IFT43: variants seen among roughly 807,000 people sequenced by gnomAD.
The protein encoded by IFT43 is intraflagellar transport 43, also known as intraflagellar transport protein 43 homolog.
Under a neutral mutation model 32.3 loss-of-function variants are expected in IFT43, and 33 were observed. The observed-to-expected ratio is 1.02, with a 90% CI of 0.77 to 1.37. The LOEUF (loss-of-function observed/expected upper bound fraction) is 1.37, where lower values mean the gene tolerates loss of function less well. Among genes scored for constraint, IFT43 ranks in the 40% most tolerant of loss-of-function variants. IFT43 has a pLI of 0.00. For missense variants in IFT43, 274 were observed against 265.9 expected, an observed-to-expected ratio of 1.03 and a Z score of -0.21; for synonymous variants, 93 against 98.2, an observed-to-expected ratio of 0.95 and a Z score of 0.31.
intron 2 of IFT43, among the ~76,000 whole-genome samples, chr14:76,000,249 A>G (rs1037900512): frequency 4.0e-5 from 6 of 149,452 alleles, no homozygotes; most frequent in Non-Finnish European, 7.4e-5. Flanking sequence ...TACATAACAT[A>G]CATAACTGGC....
chr14:76,012,127 A>T (rs2036097181), intron 2 of IFT43, among the ~76,000 whole-genome samples: 2 of 152,174 alleles, frequency 1.3e-5, no homozygotes, highest in African/African-American at 4.8e-5. Flanking sequence ...GAATTTATGC[A>T]TGTATTTGGA....
intron 3 of IFT43, 105 bp downstream of exon 3, chr14:76,022,499 T>C: frequency 1.4e-6 from 1 of 701,838 alleles, no homozygotes; most frequent in Non-Finnish European, 2.6e-6. Context: ...TGAGAAAAAA[T>C]TTATATACCA....
chr14:76,044,495 C>A (rs1351014402), intron 3 of IFT43, among the ~76,000 whole-genome samples: 1 of 152,122 alleles, frequency 6.6e-6, no homozygotes, highest in Non-Finnish European at 1.5e-5. Flanking sequence ...ACTCTCAGAA[C>A]CTAGTCGTTT....
chr14:75,999,269 ATATGTATATATATTT>A (rs1201708730), intron 2 of IFT43, among the ~76,000 whole-genome samples: 2 of 24,246 alleles, frequency 8.2e-5, no homozygotes, highest in African/African-American at 4.8e-4. Context: ...ATATATATAT[ATATGTATATATATTT>A]TTTTTTTTTT....
intron 3 of IFT43, among the ~76,000 whole-genome samples, chr14:76,046,432 G>C (rs913314834): frequency 6.6e-6 from 1 of 152,128 alleles, no homozygotes; most frequent in African/African-American, 2.4e-5. Context: ...ATATGTGCAA[G>C]CAGGGGAAGT....
At chr14:75,991,976 C>T (rs182972511) in intron 2 of IFT43, among the ~76,000 whole-genome samples, 80 of 152,260 alleles carry the variant, frequency 5.3e-4, no homozygotes, top group East Asian at 1.9e-4. Context: ...ATTTACATTC[C>T]GATTCTATTA....
At chr14:76,055,651 C>T (rs1220870103) in intron 3 of IFT43, among the ~76,000 whole-genome samples, 1 of 152,138 alleles carries the variant, frequency 6.6e-6, no homozygotes, top group Non-Finnish European at 1.5e-5. Flanking sequence ...CCTGAGGTGC[C>T]TTTGAGGACC....
intron 2 of IFT43, among the ~76,000 whole-genome samples, chr14:76,021,349 T>C (rs778683978): frequency 8.5e-5 from 13 of 152,214 alleles, no homozygotes; most frequent in Non-Finnish European, 1.6e-4. Flanking sequence ...CTCACTCTTA[T>C]ATCTTTATTT....
intron 2 of IFT43, among the ~76,000 whole-genome samples, chr14:75,992,254 C>G (rs2035658023): frequency 6.6e-6 from 1 of 152,194 alleles, no homozygotes; most frequent in Admixed American, 6.5e-5. Context: ...CTCTCTAATT[C>G]TCCATTTCAT....
Position 76,031,058 on chromosome 14 carries a change from T to C in IFT43, c.215+8664T>C, listed in dbSNP as rs550328634. 1.9e-4 allele frequency among the ~76,000 whole-genome samples: 28 copies of C among 147,924 alleles called. No individual in the cohort carries two copies. The East Asian group carries it at 5.5e-3, about 29-fold the overall frequency. ...ATTATATATACATACATAAAAATTATATAATTTATATAATATACATATATA... is the reference window on the plus strand; with the variant it reads ...ATTATATATACATACATAAAAATTACATAATTTATATAATATACATATATA... On this transcript the variant is annotated intron_variant, in intron 3 of 8. Transcript: ENST00000314067.
intron 2 of IFT43, among the ~76,000 whole-genome samples, chr14:75,990,140 A>G (rs936783620): frequency 1.3e-5 from 2 of 152,248 alleles, no homozygotes; most frequent in African/African-American, 2.4e-5. Context: ...TGGAGGCCAC[A>G]TGCCCCCTCT....
chr14:75,990,077 A>T (rs1343057889), intron 2 of IFT43, among the ~76,000 whole-genome samples: 2 of 152,206 alleles, frequency 1.3e-5, no homozygotes, highest in African/African-American at 4.8e-5. Context: ...ACCCCTTGGC[A>T]TCACTGCCTG....
At chr14:76,028,520 G>T (rs374428458) in intron 3 of IFT43, among the ~76,000 whole-genome samples, 2 of 152,034 alleles carry the variant, frequency 1.3e-5, no homozygotes, top group African/African-American at 2.4e-5. Flanking sequence ...TGTTACAGGG[G>T]TATGTTGCAT....
chr14:76,080,054 GA>G (rs2037481719), intron 5 of IFT43, among the ~76,000 whole-genome samples: 1 of 152,182 alleles, frequency 6.6e-6, no homozygotes, highest in African/African-American at 2.4e-5. Flanking sequence ...GAAGTTCTTT[GA>G]AGTTTGCCCA....
chr14:76,043,111 C>G (rs955934253), intron 3 of IFT43, among the ~76,000 whole-genome samples: 2 of 152,218 alleles, frequency 1.3e-5, no homozygotes, highest in Non-Finnish European at 2.9e-5. Context: ...GCCTTACACA[C>G]AAGGGGTCTC....
chr14:76,002,936 A>G (rs1013325066), intron 2 of IFT43, among the ~76,000 whole-genome samples: 1 of 152,230 alleles, frequency 6.6e-6, no homozygotes, highest in East Asian at 1.9e-4. Context: ...TGTGCTGTGA[A>G]TATAGAATAT....
intron 3 of IFT43, chr14:76,058,366 G>A (rs190494269): frequency 2.5e-6 from 1 of 400,252 alleles, no homozygotes; most frequent in Non-Finnish European, 4.7e-6. Context: ...TGAATCATCT[G>A]TATCTATTTG....
chr14:76,033,116 G>A (rs2139987433), intron 3 of IFT43, among the ~76,000 whole-genome samples: 1 of 152,334 alleles, frequency 6.6e-6, no homozygotes, highest in Middle Eastern at 3.4e-3. Context: ...GAGGTTACAA[G>A]GGGCCTTTGA....
intron 5 of IFT43, among the ~76,000 whole-genome samples, chr14:76,073,212 A>T (rs950463233): frequency 6.6e-6 from 1 of 152,178 alleles, no homozygotes; most frequent in African/African-American, 2.4e-5. Flanking sequence ...GTGGCCTGGG[A>T]TGACTGGTGA....
Sources: allele counts gnomAD v4.1 joint callset (sites outside exome capture counted in the v4.1 genomes callset), GRCh38; gene constraint gnomAD v4.1.1; transcripts MANE v1.5; gene names NCBI Gene and HGNC (gene_info 2026-07-23, HGNC 2026-07-21).